Variants in AGMO observed in about 807,000 individuals in gnomAD.
AGMO encodes alkylglycerol monooxygenase.
AGMO carries 75 observed loss-of-function variants against 60.2 expected under a neutral mutation model. The ratio of observed to expected loss-of-function variants is 1.25; its 90% CI spans 1.03 to 1.51. The LOEUF is 1.51. Ranked by LOEUF, AGMO falls within the 40% of genes most tolerant of loss-of-function variation. The probability of loss-of-function intolerance (pLI) is 0.00; values close to 1 mark genes in which losing one functional copy is unlikely to be tolerated. For synonymous variants in AGMO, 261 were observed against 177.1 expected, an observed-to-expected ratio of 1.47 and a Z score of -3.76; for missense variants, 763 against 525.5, an observed-to-expected ratio of 1.45 and a Z score of -4.42.
At chr7:15,315,579 G>GC (rs1469453280) in intron 12 of AGMO, among the ~76,000 whole-genome samples, 1 of 151,796 alleles carries the variant, frequency 6.6e-6, no homozygotes, top group Non-Finnish European at 1.5e-5. Flanking sequence ...CTTGTGATCT[G>GC]CCCACCTAGG....
intron 10 of AGMO, among the ~76,000 whole-genome samples, chr7:15,376,292 T>G (rs752434389): frequency 2.6e-4 from 39 of 152,076 alleles, no homozygotes; most frequent in Non-Finnish European, 5.1e-4. Flanking sequence ...GGACATTGAC[T>G]TGAAAACTTT....
At chr7:15,445,272 T>C (rs1781667663) in intron 3 of AGMO, among the ~76,000 whole-genome samples, 1 of 152,196 alleles carries the variant, frequency 6.6e-6, no homozygotes, top group Admixed American at 6.5e-5. Context: ...TATTCTTCTA[T>C]CAAAGATTTA....
intron 12 of AGMO, among the ~76,000 whole-genome samples, chr7:15,217,373 C>G (rs900570014): frequency 2.4e-4 from 36 of 147,558 alleles, no homozygotes; most frequent in Admixed American, 8.2e-4. Context: ...CTGTGTGTGT[C>G]TCTCTCTCTC....
At chr7:15,366,034 ATT>A (rs1395419397) in intron 11 of AGMO, 104 bp downstream of exon 11, 2 of 782,116 alleles carry the variant, frequency 2.6e-6, no homozygotes, top group Non-Finnish European at 3.9e-6. Context: ...TTTTATATTT[ATT>A]TTTAAAACTA....
At chr7:15,433,282 G>C (rs1292475567) in intron 3 of AGMO, among the ~76,000 whole-genome samples, 1 of 152,064 alleles carries the variant, frequency 6.6e-6, no homozygotes, top group Non-Finnish European at 1.5e-5. Context: ...AAAGGTGGAG[G>C]TTAAAGATCT....
In AGMO at chr7:15,261,070, A is replaced by G. The variant is rs571242615; in HGVS notation, c.1264-59711T>C. On this transcript the variant is annotated intron_variant, in intron 12 of 12. Transcript: ENST00000342526. ...ATACCTACATCAAAAAGTCTGAATG[A>G]GCATAAATAGACAATCTAAAGTCAC... Among the ~76,000 whole-genome samples the G allele has an allele frequency of 4.7e-4, 71 of 152,248 alleles. No individual in the cohort carries two copies. The South Asian group carries it at 0.013, about 29-fold the overall frequency.
At chr7:15,320,855 A>G (rs1297460056) in intron 12 of AGMO, among the ~76,000 whole-genome samples, 4 of 152,186 alleles carry the variant, frequency 2.6e-5, no homozygotes, top group Non-Finnish European at 5.9e-5. Flanking sequence ...ATTTTCAAAT[A>G]TATGTTACAT....
At chr7:15,198,172 C>T (rs563972679), downstream of AGMO, among the ~76,000 whole-genome samples, 8 of 137,262 alleles carry the variant, frequency 5.8e-5, no homozygotes, top group African/African-American at 1.1e-4. Context: ...GAGTAATTGA[C>T]GAGTCCTATT....
At chr7:15,274,894 A>G (rs2128515868) in intron 12 of AGMO, among the ~76,000 whole-genome samples, 1 of 151,764 alleles carries the variant, frequency 6.6e-6, no homozygotes, top group East Asian at 1.9e-4. Flanking sequence ...TATCAGTTGT[A>G]ATGTCACCTT....
At chr7:15,220,954 TATAAA>T (rs1295301245) in intron 12 of AGMO, among the ~76,000 whole-genome samples, 1 of 152,142 alleles carries the variant, frequency 6.6e-6, no homozygotes, top group Non-Finnish European at 1.5e-5. Context: ...TCGTAAATCT[TATAAA>T]ATAATGAAAA....
At chr7:15,553,388 A>G (rs1002483096) in intron 2 of AGMO, among the ~76,000 whole-genome samples, 1 of 152,140 alleles carries the variant, frequency 6.6e-6, no homozygotes, top group Non-Finnish European at 1.5e-5. Flanking sequence ...AACAAAGTGT[A>G]GTAGAAAGTT....
At chr7:15,407,681 A>C (rs974937252) in intron 5 of AGMO, among the ~76,000 whole-genome samples, 1 of 151,864 alleles carries the variant, frequency 6.6e-6, no homozygotes, top group Non-Finnish European at 1.5e-5. Flanking sequence ...AGAATTTTTT[A>C]TTTAAATACA....
intron 12 of AGMO, among the ~76,000 whole-genome samples, chr7:15,285,304 AAT>A (rs996447974): frequency 1.5e-4 from 23 of 152,060 alleles, no homozygotes; most frequent in African/African-American, 5.3e-4. Context: ...GTTCACTGAT[AAT>A]ATGATTGTAT....
chr7:15,526,521 TG>T (rs1471256662), intron 3 of AGMO, among the ~76,000 whole-genome samples: 4 of 152,166 alleles, frequency 2.6e-5, no homozygotes, highest in African/African-American at 9.7e-5. Context: ...TGCGTTTGCC[TG>T]TAAGTCTTAC....
chr7:15,429,914 G>C (rs1472050084), intron 4 of AGMO, among the ~76,000 whole-genome samples: 2 of 151,970 alleles, frequency 1.3e-5, no homozygotes, highest in African/African-American at 2.4e-5. Flanking sequence ...GATCAGAAAA[G>C]ATAACATAAG....
chr7:15,285,479 T>A (rs1016954510), intron 12 of AGMO, among the ~76,000 whole-genome samples: 1 of 151,832 alleles, frequency 6.6e-6, no homozygotes, highest in South Asian at 2.1e-4. Context: ...TTACAATAGC[T>A]GAAAAAACTA....
chr7:15,559,136 T>C (rs568120107), intron 2 of AGMO, among the ~76,000 whole-genome samples: 1 of 152,276 alleles, frequency 6.6e-6, no homozygotes, highest in Admixed American at 6.5e-5. Context: ...TTACTATTAT[T>C]GAGTCCCAAT....
At chr7:15,303,354 C>A (rs1192302610) in intron 12 of AGMO, among the ~76,000 whole-genome samples, 3 of 151,292 alleles carry the variant, frequency 2.0e-5, no homozygotes, top group South Asian at 2.1e-4. Flanking sequence ...AAATAAAGAT[C>A]TTTTTTAACA....
At chr7:15,558,949 G>C (rs996938352) in intron 2 of AGMO, among the ~76,000 whole-genome samples, 2 of 152,006 alleles carry the variant, frequency 1.3e-5, no homozygotes, top group Middle Eastern at 3.2e-3. Flanking sequence ...AAATGGGTGG[G>C]AAGCTGGAAT....
Sources: gnomAD v4.1 joint callset for allele counts (sites outside exome capture counted in the v4.1 genomes callset) on GRCh38, gnomAD v4.1.1 for gene constraint, MANE v1.5 for transcripts, NCBI Gene and HGNC (gene_info 2026-07-23, HGNC 2026-07-21) for gene names.